The following WASF3 variants were observed in gnomAD, a reference collection of about 807,000 sequenced individuals.
The protein encoded by WASF3 is WASP family member 3, also known as actin-binding protein WASF3.
Under a neutral mutation model 46.6 loss-of-function variants are expected in WASF3, and 11 were observed. The observed-to-expected ratio is 0.24, with a 90% CI of 0.15 to 0.39. The LOEUF is 0.39. Ranked by LOEUF, WASF3 falls within the 10% of genes least tolerant of loss-of-function variation. WASF3 has a pLI of 1.00. For missense variants in WASF3, 576 were observed against 669.8 expected, an observed-to-expected ratio of 0.86 and a Z score of 1.55; for synonymous variants, 242 against 259.7, an observed-to-expected ratio of 0.93 and a Z score of 0.65.
intron 1 of WASF3, among the ~76,000 whole-genome samples, chr13:26,561,776 C>T (rs1473193425): frequency 6.6e-6 from 1 of 152,242 alleles, no homozygotes; most frequent in East Asian, 1.9e-4. Flanking sequence ...CATTCGATGA[C>T]CTCATGTTTG....
At chr13:26,553,122 C>A (rs1879004817), upstream of WASF3, among the ~76,000 whole-genome samples, 1 of 152,190 alleles carries the variant, frequency 6.6e-6, no homozygotes, top group Non-Finnish European at 1.5e-5. Flanking sequence ...TAGACAGCTG[C>A]ATCTCACTGC....
At chr13:26,576,869 GCT>G in intron 1 of WASF3, 1 of 653,942 alleles carries the variant, frequency 1.5e-6, no homozygotes. Context: ...CGCCCTTTTG[GCT>G]CTCTGAGCAG....
At chr13:26,550,095 A>G in the WASF3 span, among the ~76,000 whole-genome samples, 1 of 152,250 alleles carries the variant, frequency 6.6e-6, no homozygotes, top group African/African-American at 2.4e-5. Context: ...AGCAATAGCT[A>G]TTCAATTTTT....
Position 26,596,297 on chromosome 13 carries a change from AT to A in WASF3, c.-108-16654del, listed in dbSNP as rs60765822. Among the ~76,000 whole-genome samples, 247 of 139,306 alleles carry A rather than the reference AT, an allele frequency of 1.8e-3. 1 individual carries two copies. The highest frequency in any genetic ancestry group is 5.9e-3 in the African/African-American group (223 of 37,982). The allele number at this position is 139,306 out of a possible 152,430, so 91.4% of individuals were successfully genotyped here. A position where few individuals can be genotyped will look rare whatever the true frequency, so the allele number is the denominator to read the frequency against. On this transcript the variant is annotated intron_variant, in intron 1 of 9. Transcript: ENST00000335327. ...GTATATCCTCTTTGGTGAAATGTTT[AT>A]TTTTTTTTTGCTCTTTTCATAATTG...
At chr13:26,639,957 C>A (rs1881945793) in intron 2 of WASF3, 1 of 152,380 alleles carries the variant, frequency 6.6e-6, no homozygotes, top group Admixed American at 6.5e-5. Context: ...GGGGCTGTTT[C>A]TACTTGTCTA....
chr13:26,541,583 G>A, the WASF3 span, among the ~76,000 whole-genome samples: 1 of 152,022 alleles, frequency 6.6e-6, no homozygotes, highest in Non-Finnish European at 1.5e-5. Context: ...AACACACCTG[G>A]CCCTGTAACA....
intron 1 of WASF3, among the ~76,000 whole-genome samples, chr13:26,582,445 G>A (rs1228727420): frequency 6.6e-6 from 1 of 152,048 alleles, no homozygotes; most frequent in Non-Finnish European, 1.5e-5. Flanking sequence ...GGAGGCCGAG[G>A]TGGGCGGATT....
chr13:26,577,316 C>T, intron 1 of WASF3: 2 of 751,316 alleles, frequency 2.7e-6, no homozygotes, highest in South Asian at 1.4e-5. Context: ...TTCCTAAAAA[C>T]AATGTAACAA....
chr13:26,642,657 G>C (rs938743774), intron 3 of WASF3, among the ~76,000 whole-genome samples: 1 of 152,126 alleles, frequency 6.6e-6, no homozygotes, highest in Non-Finnish European at 1.5e-5. Flanking sequence ...ATTTAAAATA[G>C]TGTTAATTTT....
chr13:26,547,594 C>A, the WASF3 span, among the ~76,000 whole-genome samples: 3 of 152,126 alleles, frequency 2.0e-5, no homozygotes, highest in Non-Finnish European at 2.9e-5. Context: ...GTGTGAACTG[C>A]AAATGTTCTC....
chr13:26,581,426 A>G (rs1879975895), intron 1 of WASF3, among the ~76,000 whole-genome samples: 1 of 151,772 alleles, frequency 6.6e-6, no homozygotes, highest in South Asian at 2.1e-4. Context: ...CTGAGGAGTT[A>G]ACCTAGGCCA....
intron 1 of WASF3, among the ~76,000 whole-genome samples, chr13:26,576,076 A>G (rs954495844): frequency 6.6e-6 from 1 of 152,086 alleles, no homozygotes; most frequent in African/African-American, 2.4e-5. Flanking sequence ...TCTTGGAGGT[A>G]TATGTATTTC....
At chr13:26,604,457 T>C (rs1468269188) in intron 1 of WASF3, among the ~76,000 whole-genome samples, 1 of 152,208 alleles carries the variant, frequency 6.6e-6, no homozygotes, top group Non-Finnish European at 1.5e-5. Flanking sequence ...GTAAGGTTGG[T>C]GTATGCCTGA....
At chr13:26,680,275 G>A in intron 7 of WASF3, 1 of 1,444,004 alleles carries the variant, frequency 6.9e-7, no homozygotes, top group South Asian at 1.4e-5. Context: ...AGGATGTACA[G>A]CCCCTCCTGG....
chr13:26,636,560 T>C (rs909586808), intron 2 of WASF3, among the ~76,000 whole-genome samples: 5 of 152,346 alleles, frequency 3.3e-5, no homozygotes, highest in East Asian at 1.9e-4. Context: ...GGTACCTCAG[T>C]TGGAAATGCA....
chr13:26,643,115 A>G (rs2137413123), intron 3 of WASF3, among the ~76,000 whole-genome samples: 1 of 152,350 alleles, frequency 6.6e-6, no homozygotes, highest in African/African-American at 2.4e-5. Flanking sequence ...ATGCATGAAA[A>G]TGCTTTTTCC....
intron 2 of WASF3, chr13:26,639,608 A>T (rs1015912090): frequency 3.3e-5 from 5 of 152,166 alleles, no homozygotes; most frequent in African/African-American, 9.7e-5. Context: ...TTAATGGGGA[A>T]ATGAATGAAG....
Position 26,669,206 on chromosome 13 carries a change from CTTTTTTTT to C in WASF3, c.422+1552_422+1559del, listed in dbSNP as rs71080286. On this transcript the variant is annotated intron_variant, in intron 5 of 9. Coordinates refer to ENST00000335327, the MANE Select transcript of WASF3 (RefSeq NM_006646.6). ...TATGGAAAATAAAGCATATCTTTGA[CTTTTTTTT>C]TTTTTTTTTTTTTTTGAGATGGAGT... 6.1e-5 allele frequency among the ~76,000 whole-genome samples: 4 copies of C among 65,330 alleles called. No homozygotes were observed. The Admixed American group carries it at 8.7e-4, about 14-fold the overall frequency. The allele number at this position is 65,330 out of a possible 152,430, so 42.9% of individuals were successfully genotyped here. A position where few individuals can be genotyped will look rare whatever the true frequency, so the allele number is the denominator to read the frequency against.
chr13:26,633,342 A>G (rs1217601621), intron 2 of WASF3, among the ~76,000 whole-genome samples: 1 of 151,798 alleles, frequency 6.6e-6, no homozygotes, highest in East Asian at 1.9e-4. Flanking sequence ...AGCTGGGATT[A>G]CAGGCATGTG....
Sources: allele counts gnomAD v4.1 joint callset (sites outside exome capture counted in the v4.1 genomes callset), GRCh38; gene constraint gnomAD v4.1.1; transcripts MANE v1.5; gene names NCBI Gene and HGNC (gene_info 2026-07-23, HGNC 2026-07-21).